The following OLFM1 variants were observed in gnomAD, a reference collection of about 807,000 sequenced individuals.
The protein encoded by OLFM1 is olfactomedin 1, also known as noelin.
OLFM1 carries 9 observed loss-of-function variants against 49.7 expected under a neutral mutation model. That is an observed-to-expected ratio of 0.18 (90% confidence interval 0.11 to 0.32). The LOEUF (loss-of-function observed/expected upper bound fraction) is 0.32, where lower values mean the gene tolerates loss of function less well. Ranked by LOEUF, OLFM1 falls within the 10% of genes least tolerant of loss-of-function variation. OLFM1 has a pLI of 1.00. For synonymous variants in OLFM1, 240 were observed against 271.8 expected (o/e 0.88, Z 1.15); for missense variants, 369 against 661.8 (o/e 0.56, Z 4.85).
chr9:135,108,665 G>A (rs554532783), intron 5 of OLFM1, among the ~76,000 whole-genome samples: 1 of 151,970 alleles, frequency 6.6e-6, no homozygotes, highest in Non-Finnish European at 1.5e-5. Flanking sequence ...CAGCGAGTGT[G>A]TCCTGTGTGC....
chr9:135,077,004 C>A, intron 1 of OLFM1: 1 of 1,550,590 alleles, frequency 6.4e-7, no homozygotes, highest in Non-Finnish European at 8.7e-7. Context: ...CCCTCAGAGC[C>A]CTTCTCCTGG....
chr9:135,076,520 AT>A, intron 1 of OLFM1: 1 of 1,248,162 alleles, frequency 8.0e-7, no homozygotes, highest in Non-Finnish European at 1.1e-6. Context: ...AAAGATGCAT[AT>A]TGGAGCTGGC....
At chr9:135,102,870 C>G (rs986923100) in intron 4 of OLFM1, among the ~76,000 whole-genome samples, 3 of 152,164 alleles carry the variant, frequency 2.0e-5, no homozygotes, top group Non-Finnish European at 2.9e-5. Flanking sequence ...TGCCCAGAGA[C>G]CCCTCTGTCT....
chr9:135,116,224 G>A (rs926381079), intron 5 of OLFM1, among the ~76,000 whole-genome samples: 1 of 152,158 alleles, frequency 6.6e-6, no homozygotes, highest in African/African-American at 2.4e-5. Context: ...GTGGGGTTCT[G>A]AGTGCCTCTC....
intron 2 of OLFM1, among the ~76,000 whole-genome samples, chr9:135,093,278 C>T (rs959956562): frequency 1.3e-5 from 2 of 152,160 alleles, no homozygotes; most frequent in Non-Finnish European, 2.9e-5. Context: ...GCGTGTGGCA[C>T]GGGCTCCGTT....
intron 5 of OLFM1, among the ~76,000 whole-genome samples, chr9:135,111,112 A>C (rs904051157): frequency 6.6e-6 from 1 of 152,214 alleles, no homozygotes; most frequent in Non-Finnish European, 1.5e-5. Context: ...TGTGGCTGAA[A>C]TGCGGTGCAG....
At chr9:135,111,371 G>A (rs1564279229) in intron 5 of OLFM1, among the ~76,000 whole-genome samples, 3 of 152,292 alleles carry the variant, frequency 2.0e-5, no homozygotes, top group Middle Eastern at 3.4e-3. Flanking sequence ...GGGGCAGGGT[G>A]GCCTCGCTCG....
intron 5 of OLFM1, among the ~76,000 whole-genome samples, chr9:135,116,982 G>A (rs755899683): frequency 7.9e-5 from 12 of 151,648 alleles, no homozygotes; most frequent in Admixed American, 2.6e-4. Flanking sequence ...TTTTTAGCGC[G>A]TGTGTAATGC....
intron 1 of OLFM1, among the ~76,000 whole-genome samples, chr9:135,089,173 G>A (rs529038438): frequency 2.4e-4 from 36 of 152,338 alleles, no homozygotes; most frequent in African/African-American, 7.9e-4. Flanking sequence ...TTCAGGAATC[G>A]GAGGGCGATT....
At chr9:135,107,919 C>G (rs1001806900) in intron 5 of OLFM1, among the ~76,000 whole-genome samples, 2 of 152,134 alleles carry the variant, frequency 1.3e-5, no homozygotes, top group African/African-American at 4.8e-5. Flanking sequence ...CACGAAATCT[C>G]TTATATTTAA....
intron 1 of OLFM1, chr9:135,076,445 C>T (rs563733411): frequency 9.7e-6 from 14 of 1,441,208 alleles, no homozygotes; most frequent in Admixed American, 7.9e-5. Context: ...GCATTTCAAA[C>T]GGGCTTGTCG....
At chr9:135,116,394 G>C (rs1339592455) in intron 5 of OLFM1, among the ~76,000 whole-genome samples, 5 of 152,168 alleles carry the variant, frequency 3.3e-5, no homozygotes, top group Non-Finnish European at 5.9e-5. Flanking sequence ...CATCTTCAGA[G>C]TGCGGTATCC....
At chr9:135,076,332 G>T (rs561048695) in intron 1 of OLFM1, 1 of 1,549,618 alleles carries the variant, frequency 6.5e-7, no homozygotes. Flanking sequence ...CCGGCCAGCT[G>T]TGTGCATTGC....
At chr9:135,075,632 C>A in exon 1 of OLFM1, 1 of 1,069,278 alleles carries the variant, frequency 9.4e-7, no homozygotes, top group Non-Finnish European at 1.3e-6. Context: ...CCGCCGGAGC[C>A]AGCGGAGCCG....
chr9:135,086,580 C>T (rs2119094942), upstream of OLFM1: 1 of 455,904 alleles, frequency 2.2e-6, no homozygotes, highest in East Asian at 6.9e-5. Context: ...AGGATTCTTT[C>T]CTTCCCAAAT....
chr9:135,107,642 C>G (rs10745396), intron 5 of OLFM1, among the ~76,000 whole-genome samples: 84,998 of 152,056 alleles, frequency 0.56, 25,135 homozygotes, highest in Admixed American at 0.67. Context: ...CTTCGCTGTC[C>G]CTTGATTTGC....
At chr9:135,108,662 T>C (rs2008941) in intron 5 of OLFM1, among the ~76,000 whole-genome samples, 32,552 of 150,112 alleles carry the variant, frequency 0.22, 4,789 homozygotes, top group African/African-American at 0.42. Flanking sequence ...AAACAGCGAG[T>C]GTGTCCTGTG....
chr9:135,114,193 T>A (rs1179428473), intron 5 of OLFM1, among the ~76,000 whole-genome samples: 1 of 134,048 alleles, frequency 7.5e-6, no homozygotes, highest in Non-Finnish European at 1.5e-5. Context: ...AGTGCTGGAG[T>A]GCAGTGGTGC....
At chr9:135,104,441 G>A (rs1017891718) in intron 4 of OLFM1, among the ~76,000 whole-genome samples, 6 of 152,206 alleles carry the variant, frequency 3.9e-5, no homozygotes, top group East Asian at 3.9e-4. Flanking sequence ...AGTCTGCTGC[G>A]GGTGTGGTTC....
Sources: gnomAD v4.1 joint callset for allele counts (sites outside exome capture counted in the v4.1 genomes callset) on GRCh38, gnomAD v4.1.1 for gene constraint, MANE v1.5 for transcripts, NCBI Gene and HGNC (gene_info 2026-07-23, HGNC 2026-07-21) for gene names.